Variants in ENTREP2 observed in about 807,000 individuals in gnomAD.
ENTREP2 encodes endosomal transmembrane epsin interactor 2.
the ENTREP2 span, among the ~76,000 whole-genome samples, chr15:29,567,146 G>A: frequency 6.6e-6 from 1 of 152,164 alleles, no homozygotes; most frequent in Non-Finnish European, 1.5e-5. Context: ...GGCTGGCACA[G>A]CCCGGCACAG....
the ENTREP2 span, among the ~76,000 whole-genome samples, chr15:29,205,648 G>A: frequency 1.3e-5 from 2 of 152,116 alleles, no homozygotes; most frequent in African/African-American, 4.8e-5. Flanking sequence ...CAAATCCTTT[G>A]CCTGTTTTCA....
the ENTREP2 span, among the ~76,000 whole-genome samples, chr15:29,417,389 G>T: frequency 8.5e-5 from 13 of 152,148 alleles, no homozygotes; most frequent in East Asian, 2.3e-3. Flanking sequence ...GCAAACTATC[G>T]CAAGGACAAA....
the ENTREP2 span, among the ~76,000 whole-genome samples, chr15:29,362,171 G>A: frequency 6.6e-6 from 1 of 151,980 alleles, no homozygotes; most frequent in Non-Finnish European, 1.5e-5. Context: ...ACCTTCACAG[G>A]AAGAGAGTAA....
the ENTREP2 span, among the ~76,000 whole-genome samples, chr15:29,605,759 C>T: frequency 1.3e-5 from 2 of 152,064 alleles, no homozygotes; most frequent in Non-Finnish European, 2.9e-5. Flanking sequence ...ATTGCTTGAA[C>T]CTGGGAGGCA....
chr15:29,369,912 T>C, the ENTREP2 span, among the ~76,000 whole-genome samples: 3 of 152,362 alleles, frequency 2.0e-5, no homozygotes, highest in Admixed American at 2.0e-4. Context: ...TCTCACGTTT[T>C]TCCCTTTTTG....
the ENTREP2 span, among the ~76,000 whole-genome samples, chr15:29,667,467 C>T: frequency 0.046 from 6,729 of 144,868 alleles, 180 homozygotes; most frequent in South Asian, 0.099. Flanking sequence ...GGATTACAGG[C>T]GTGAGCCACT....
At chr15:29,427,331 C>T in the ENTREP2 span, among the ~76,000 whole-genome samples, 1 of 152,278 alleles carries the variant, frequency 6.6e-6, no homozygotes, top group African/African-American at 2.4e-5. Context: ...AGCCCCAACC[C>T]CCGGAGTCCA....
At chr15:29,150,986 G>A in the ENTREP2 span, among the ~76,000 whole-genome samples, 3 of 152,088 alleles carry the variant, frequency 2.0e-5, no homozygotes, top group Admixed American at 6.5e-5. Flanking sequence ...ACACGCGTGC[G>A]CATAGATATT....
chr15:29,123,174 G>GT, the ENTREP2 span: 1 of 687,360 alleles, frequency 1.5e-6, no homozygotes, highest in Non-Finnish European at 2.4e-6. Flanking sequence ...GAGAGAGGGG[G>GT]TAACAGTTCC....
At chr15:29,605,709 T>A in the ENTREP2 span, among the ~76,000 whole-genome samples, 1 of 148,638 alleles carries the variant, frequency 6.7e-6, no homozygotes, top group African/African-American at 2.5e-5. Flanking sequence ...GATGGGGGGG[T>A]GCCTATAATC....
the ENTREP2 span, among the ~76,000 whole-genome samples, chr15:29,617,493 A>T: frequency 6.6e-6 from 1 of 152,200 alleles, no homozygotes; most frequent in East Asian, 1.9e-4. Flanking sequence ...TCTACAGGCC[A>T]TCTGGGCATC....
At chr15:29,500,065 T>C in the ENTREP2 span, among the ~76,000 whole-genome samples, 1 of 152,076 alleles carries the variant, frequency 6.6e-6, no homozygotes, top group African/African-American at 2.4e-5. Flanking sequence ...ATTATAAATA[T>C]ACCACACCTA....
chr15:29,551,886 G>A, the ENTREP2 span, among the ~76,000 whole-genome samples: 1 of 152,260 alleles, frequency 6.6e-6, no homozygotes, highest in Non-Finnish European at 1.5e-5. Flanking sequence ...AGAAGGGAAA[G>A]AGCTGAAGGC....
chr15:29,635,769 C>T, the ENTREP2 span, among the ~76,000 whole-genome samples: 3 of 152,144 alleles, frequency 2.0e-5, no homozygotes, highest in African/African-American at 4.8e-5. Flanking sequence ...GCTCCAGCCA[C>T]CTGTGATTTA....
chr15:29,374,057 A>T, the ENTREP2 span: 3 of 129,254 alleles, frequency 2.3e-5, no homozygotes, highest in African/African-American at 1.0e-4. Flanking sequence ...GATGATTTTT[A>T]AAAATTGTCT....
At chr15:29,579,678 C>T in the ENTREP2 span, among the ~76,000 whole-genome samples, 4 of 141,756 alleles carry the variant, frequency 2.8e-5, no homozygotes, top group African/African-American at 8.4e-5. Flanking sequence ...TGCCACCACA[C>T]CCAGCTAATT....
chr15:29,218,119 C>T, the ENTREP2 span, among the ~76,000 whole-genome samples: 14 of 152,124 alleles, frequency 9.2e-5, no homozygotes, highest in African/African-American at 3.4e-4. Flanking sequence ...GGTCTCTCAG[C>T]GTGGATATCA....
chr15:29,320,347 G>T, the ENTREP2 span, among the ~76,000 whole-genome samples: 66 of 152,134 alleles, frequency 4.3e-4, no homozygotes, highest in Non-Finnish European at 7.8e-4. Flanking sequence ...AGGTGAATTT[G>T]AACCCTCTGG....
chr15:29,396,129 A>T, the ENTREP2 span, among the ~76,000 whole-genome samples: 1 of 152,204 alleles, frequency 6.6e-6, no homozygotes, highest in African/African-American at 2.4e-5. Context: ...AGAACATATG[A>T]AGTCTCTTTC....
Sources: allele counts gnomAD v4.1 joint callset (sites outside exome capture counted in the v4.1 genomes callset), GRCh38; gene constraint gnomAD v4.1.1; transcripts MANE v1.5; gene names NCBI Gene and HGNC (gene_info 2026-07-23, HGNC 2026-07-21).